TOM1L2: variants seen among roughly 807,000 people sequenced by gnomAD.
TOM1L2 encodes target of myb1 like 2 membrane trafficking protein.
TOM1L2 carries 31 observed loss-of-function variants against 67.9 expected under a neutral mutation model. The observed-to-expected ratio is 0.46, with a 90% CI of 0.34 to 0.62. TOM1L2 has a LOEUF of 0.62. Among genes scored for constraint, TOM1L2 ranks in the 20% least tolerant of loss-of-function variants. The pLI is 0.01. For synonymous variants in TOM1L2, 256 were observed against 254.0 expected (o/e 1.01, Z -0.07); for missense variants, 606 against 663.5 (o/e 0.91, Z 0.95).
intron 1 of TOM1L2, among the ~76,000 whole-genome samples, chr17:17,938,123 G>A (rs926851919): frequency 3.3e-5 from 5 of 152,340 alleles, no homozygotes; most frequent in South Asian, 4.1e-4. Context: ...GCAATGGGAA[G>A]AGGAGAGGAC....
chr17:17,866,437 T>TGGCCATA lies in TOM1L2; in HGVS notation c.961-25_961-19dup, dbSNP rs1250522487. The TGGCCATA allele has an allele frequency of 6.3e-7, 1 of 1,581,594 alleles. No homozygotes were observed. The highest frequency in any genetic ancestry group is 8.6e-7 in the Non-Finnish European group (1 of 1,161,240). On this transcript the variant is annotated intron_variant, in intron 9 of 14. Transcript: ENST00000379504. ...TTCAGTACCTGTCAGAACATGAGAT[T>TGGCCATA]GGCCATAAGCCCCAGAACCCTGGAG...
chr17:17,922,417 A>C (rs2039914530), intron 1 of TOM1L2, among the ~76,000 whole-genome samples: 1 of 152,164 alleles, frequency 6.6e-6, no homozygotes, highest in Non-Finnish European at 1.5e-5. Context: ...GAGTGACAAG[A>C]ATATTTATGT....
rs75924706 is a variant in TOM1L2, at chr17:17,941,812, C to G, written c.52+30450G>C. ...AAAAATCCACAGATAACCTATGAAC[C>G]TCATTTTGCCTTAAAGAGTTTCAGC... is the stretch of plus-strand genomic sequence containing the variant. On this transcript the variant is annotated intron_variant, in intron 1 of 14. Coordinates refer to ENST00000379504, the MANE Select transcript of TOM1L2 (RefSeq NM_001082968.2). Among the ~76,000 whole-genome samples, 502 of 152,324 alleles carry G rather than the reference C, an allele frequency of 3.3e-3. 10 individuals carry two copies. The East Asian group carries it at 0.058, about 18-fold the overall frequency.
At chr17:17,905,604 T>C (rs1410332259) in intron 2 of TOM1L2, among the ~76,000 whole-genome samples, 1 of 152,204 alleles carries the variant, frequency 6.6e-6, no homozygotes, top group African/African-American at 2.4e-5. Context: ...AGTGACACCG[T>C]CCTGGTTCAT....
chr17:17,854,886 G>T (rs556051942), intron 12 of TOM1L2, among the ~76,000 whole-genome samples: 4 of 152,226 alleles, frequency 2.6e-5, no homozygotes, highest in South Asian at 2.1e-4. Flanking sequence ...GCTGAAGGCT[G>T]GTCTGAGGGA....
At chr17:17,854,110 G>A (rs2036139305) in intron 12 of TOM1L2, among the ~76,000 whole-genome samples, 1 of 152,210 alleles carries the variant, frequency 6.6e-6, no homozygotes, top group Admixed American at 6.5e-5. Context: ...TGACTTTCTT[G>A]TGGCCAGACA....
intron 7 of TOM1L2, among the ~76,000 whole-genome samples, chr17:17,877,619 A>G (rs1251850360): frequency 6.6e-6 from 1 of 152,240 alleles, no homozygotes; most frequent in Non-Finnish European, 1.5e-5. Flanking sequence ...CCAACCAGCC[A>G]GGACGGCTGT....
chr17:17,959,282 G>A (rs555788036), intron 1 of TOM1L2, among the ~76,000 whole-genome samples: 1 of 152,156 alleles, frequency 6.6e-6, no homozygotes, highest in Non-Finnish European at 1.5e-5. Context: ...TCTGGGGTCC[G>A]CACCAGCTCC....
chr17:17,964,022 T>G (rs1407237871), intron 1 of TOM1L2, among the ~76,000 whole-genome samples: 5 of 152,158 alleles, frequency 3.3e-5, no homozygotes, highest in Non-Finnish European at 5.9e-5. Flanking sequence ...AAGAGATTCA[T>G]CACCATAAAC....
intron 1 of TOM1L2, among the ~76,000 whole-genome samples, chr17:17,911,239 A>G (rs555066137): frequency 6.6e-6 from 1 of 152,258 alleles, no homozygotes; most frequent in African/African-American, 2.4e-5. Context: ...TCAGGATGCT[A>G]TGCTGCTCTT....
At chr17:17,952,379 T>TATACAGTAAGTGCTTCTTTA (rs2041243319) in intron 1 of TOM1L2, among the ~76,000 whole-genome samples, 1 of 27,842 alleles carries the variant, frequency 3.6e-5, no homozygotes. Flanking sequence ...TTATTTTCTT[T>TATACAGTAAGTGCTTCTTTA]TTTTTTTTTT....
chr17:17,915,046 C>T (rs117337033), intron 1 of TOM1L2, among the ~76,000 whole-genome samples: 3 of 152,018 alleles, frequency 2.0e-5, no homozygotes, highest in South Asian at 4.1e-4. Flanking sequence ...TAGTTTGTTA[C>T]GTAAAAAACA....
intron 1 of TOM1L2, among the ~76,000 whole-genome samples, chr17:17,937,048 C>T (rs1280866755): frequency 1.3e-5 from 2 of 152,162 alleles, no homozygotes; most frequent in African/African-American, 2.4e-5. Context: ...GGTCTCCTGA[C>T]CCATAGCATG....
intron 7 of TOM1L2, among the ~76,000 whole-genome samples, chr17:17,876,306 A>G (rs1173898528): frequency 6.6e-6 from 1 of 152,200 alleles, no homozygotes; most frequent in Non-Finnish European, 1.5e-5. Flanking sequence ...GAAGTGACGC[A>G]GCAGGGTTTT....
intron 7 of TOM1L2, among the ~76,000 whole-genome samples, chr17:17,879,306 G>T (rs2037592228): frequency 6.6e-6 from 1 of 152,110 alleles, no homozygotes; most frequent in African/African-American, 2.4e-5. Context: ...CACCTACAGT[G>T]GTTATTTACA....
At chr17:17,871,496 C>T (rs1303163025) in intron 7 of TOM1L2, among the ~76,000 whole-genome samples, 1 of 152,096 alleles carries the variant, frequency 6.6e-6, no homozygotes, top group African/African-American at 2.4e-5. Context: ...ATGGTAAAAC[C>T]CCATCTCTAC....
chr17:17,869,629 C>T (rs2037050475), intron 7 of TOM1L2, 156 bp from the exon 8 acceptor site: 2 of 1,401,184 alleles, frequency 1.4e-6, no homozygotes, highest in South Asian at 3.4e-5. Context: ...GTAGAAGTTC[C>T]CTCTTCACTG....
chr17:17,940,466 T>C (rs1407997122), intron 1 of TOM1L2, among the ~76,000 whole-genome samples: 1 of 152,150 alleles, frequency 6.6e-6, no homozygotes, highest in African/African-American at 2.4e-5. Flanking sequence ...GAGTCAGCAC[T>C]GCCCCCACCC....
At position 17,861,540 on chromosome 17, in the gene TOM1L2, T is replaced by C; in HGVS notation, c.1214A>G (p.Glu405Gly). Reference protein sequence around the residue: ...LAEQRKTVTYEDPQAVGGLAS... With the variant: ...LAEQRKTVTYGDPQAVGGLAS... ...AAGTCCTCCGACAGCCTGAGGATCC[T>C]CATAGGTTACCCTGGAGATGAAGAA... Residue 405 changes from glutamate (E) to glycine (G), a missense_variant, in exon 12 of 15, where the codon GAG becomes GGG. Glu to Gly is a moderately conservative substitution (Grantham distance 98). Around this residue, in one of 2 missense-constraint regions of TOM1L2, gnomAD observed 543 missense variants for 554.0 expected, o/e 0.98. Coordinates refer to ENST00000379504, the MANE Select transcript of TOM1L2 (RefSeq NM_001082968.2). 6.2e-7 allele frequency: 1 copy of C among 1,614,082 alleles called. No individual in the cohort carries two copies. The highest frequency in any genetic ancestry group is 8.5e-7 in the Non-Finnish European group (1 of 1,179,988).
Sources: gnomAD v4.1 joint callset for allele counts (sites outside exome capture counted in the v4.1 genomes callset) on GRCh38, gnomAD v4.1.1 for gene constraint, gnomAD v4.1.1 regional missense constraint, MANE v1.5 for transcripts, NCBI Gene and HGNC (gene_info 2026-07-23, HGNC 2026-07-21) for gene names.